STK17A: variants seen among roughly 807,000 people sequenced by gnomAD.
STK17A encodes serine/threonine kinase 17a.
Under a neutral mutation model 43.7 loss-of-function variants are expected in STK17A, and 26 were observed. The ratio of observed to expected loss-of-function variants is 0.60; its 90% CI spans 0.44 to 0.83. The LOEUF (loss-of-function observed/expected upper bound fraction) is 0.83. STK17A is among the 40% of genes least tolerant of loss of function. STK17A has a pLI of 0.00. For synonymous variants in STK17A, 191 were observed against 182.5 expected (o/e 1.05, Z -0.38); for missense variants, 476 against 511.6 (o/e 0.93, Z 0.67).
At chr7:43,596,729 G>A (rs964052690) in intron 2 of STK17A, among the ~76,000 whole-genome samples, 6 of 152,074 alleles carry the variant, frequency 3.9e-5, no homozygotes, top group South Asian at 2.1e-4. Flanking sequence ...TTAGCCTGGC[G>A]TGGTGGCATG....
rs1364429004 is a variant in STK17A at position 43,596,086 on chromosome 7, C to G, written c.392C>G (p.Ala131Gly). 6.2e-7 allele frequency: 1 copy of G among 1,611,900 alleles called. No individual in the cohort carries two copies. The highest frequency in any genetic ancestry group is 1.7e-5 in the Admixed American group (1 of 59,918). The change falls in exon 2 of 7, where the codon GCA becomes GGA. Residue 131 changes from alanine (A) to glycine (G), a missense_variant. Physicochemically the swap from Ala to Gly is moderately conservative, Grantham distance 60. Coordinates refer to ENST00000319357, the MANE Select transcript of STK17A (RefSeq NM_004760.3). Reference protein sequence around the residue: ...VINLHEVYETASEMILVLEYA... With the variant: ...VINLHEVYETGSEMILVLEYA... ...AATTTACATGAAGTTTATGAGACTG[C>G]ATCAGAAATGATCTTAGTTCTGGAA...
chr7:43,595,973 A>T lies in STK17A; in HGVS notation c.279A>T (p.Arg93Ser). The T allele has an allele frequency of 6.2e-7, 1 of 1,613,990 alleles. No individual in the cohort carries two copies. The highest frequency in any genetic ancestry group is 8.5e-7 in the Non-Finnish European group (1 of 1,179,942). Residue 93 changes from arginine (R) to serine (S), a missense_variant, in exon 2 of 7, where the codon AGA (arginine) becomes AGT (serine). Arg to Ser is a moderately radical substitution (Grantham distance 110). Transcript: ENST00000319357. ...SGKEFAAKFMRKRRKGQDCRM... is the reference protein window; with the variant it reads ...SGKEFAAKFMSKRRKGQDCRM... ...AAGAATTTGCTGCAAAGTTCATGAGAAAAAGAAGAAAAGGCCAAGATTGTC... is the reference window on the plus strand; with the variant it reads ...AAGAATTTGCTGCAAAGTTCATGAGTAAAAGAAGAAAAGGCCAAGATTGTC...
At chr7:43,613,717 G>A (rs10215302) in intron 3 of STK17A, among the ~76,000 whole-genome samples, 22,987 of 152,008 alleles carry the variant, frequency 0.15, 2,196 homozygotes, top group Non-Finnish European at 0.21. Context: ...GGTGGCACGC[G>A]CCTTTAGTCC....
intron 2 of STK17A, 106 bp from the exon 3 acceptor site, chr7:43,608,150 G>C (rs2082628168): frequency 9.1e-7 from 1 of 1,097,006 alleles, no homozygotes; most frequent in Non-Finnish European, 1.3e-6. Context: ...TTTTAAAAAA[G>C]GTATACAGTT....
At position 43,624,603 on chromosome 7, in the gene STK17A, G is replaced by T. The variant is rs536016170; in HGVS notation, c.1006G>T (p.Ala336Ser). The T allele has an allele frequency of 1.1e-5, 17 of 1,614,106 alleles. No homozygotes were observed. The South Asian group carries it at 1.6e-4, about 16-fold the overall frequency. ...IQEPSFRMEK[A>S]LEEANALQEG... is the part of the protein sequence containing the mutation. ...AGAGCCTTCTTTCAGGATGGAAAAGGCACTAGAAGAAGCAAATGCCCTCCA... is the reference window on the plus strand; with the variant it reads ...AGAGCCTTCTTTCAGGATGGAAAAGTCACTAGAAGAAGCAAATGCCCTCCA... The change falls in exon 7 of 7, where the codon GCA (alanine) becomes TCA (serine). Residue 336 changes from alanine (A) to serine (S), a missense_variant. Physicochemically the swap from Ala to Ser is moderately conservative, Grantham distance 99. Around this residue, in one of 3 missense-constraint regions of STK17A, gnomAD observed 110 missense variants for 103.7 expected, o/e 1.06. Transcript: ENST00000319357.
At chr7:43,600,083 C>T (rs531328617) in intron 2 of STK17A, among the ~76,000 whole-genome samples, 9 of 152,304 alleles carry the variant, frequency 5.9e-5, no homozygotes, top group South Asian at 4.1e-4. Context: ...CTCACGGACA[C>T]GCCCAAAATA....
intron 3 of STK17A, among the ~76,000 whole-genome samples, chr7:43,610,891 C>G (rs1274858336): frequency 6.6e-6 from 1 of 152,038 alleles, no homozygotes; most frequent in Non-Finnish European, 1.5e-5. Context: ...TCAAGGAGGG[C>G]AGATCGCTTG....
chr7:43,623,915 A>T, intron 6 of STK17A, 27 bp downstream of exon 6: 1 of 1,381,620 alleles, frequency 7.2e-7, no homozygotes, highest in Non-Finnish European at 9.4e-7. Context: ...TTAGTTTAAT[A>T]TTGAACTAAT....
At chr7:43,614,224 C>T (rs894633466) in intron 3 of STK17A, among the ~76,000 whole-genome samples, 2 of 152,164 alleles carry the variant, frequency 1.3e-5, no homozygotes, top group Non-Finnish European at 2.9e-5. Context: ...GATGAAGATA[C>T]CGAGATAAAT....
intron 3 of STK17A, among the ~76,000 whole-genome samples, chr7:43,614,402 T>C (rs1177310247): frequency 6.6e-6 from 1 of 152,244 alleles, no homozygotes; most frequent in Non-Finnish European, 1.5e-5. Context: ...AACTTCTTTA[T>C]AATGAACTGG....
intron 1 of STK17A, among the ~76,000 whole-genome samples, chr7:43,594,745 T>C (rs143349099): frequency 2.5e-4 from 38 of 152,114 alleles, no homozygotes; most frequent in African/African-American, 9.2e-4. Context: ...TAGATGCCAT[T>C]TGTGTCCCTA....
chr7:43,623,657 T>G, intron 5 of STK17A, 37 bp downstream of exon 5: 1 of 1,607,814 alleles, frequency 6.2e-7, no homozygotes, highest in Non-Finnish European at 8.5e-7. Flanking sequence ...CAAATTAGTT[T>G]CAAGAAATGA....
chr7:43,589,034 T>A (rs1357682439), intron 1 of STK17A, among the ~76,000 whole-genome samples: 1 of 151,482 alleles, frequency 6.6e-6, no homozygotes, highest in Non-Finnish European at 1.5e-5. Flanking sequence ...AAAGAATGGA[T>A]GGAATTTCAG....
In STK17A at chr7:43,626,690, G is replaced by A. The variant is rs1465123373; in HGVS notation, c.*1848G>A. 2 of 152,146 alleles carry A rather than the reference G, an allele frequency of 1.3e-5. No individual in the cohort carries two copies. The highest frequency in any genetic ancestry group is 2.4e-5 in the African/African-American group (1 of 41,414). 9.4% of individuals were successfully genotyped at this position (152,146 alleles called of 1,614,324 possible). A position where few individuals can be genotyped will look rare whatever the true frequency, so the allele number is the denominator to read the frequency against. The stretch of plus-strand genomic sequence containing the variant: ...AAAAATAACCACTATTGAATGACAC[G>A]TTTGTACTTGATGGATCTGTCATCA... On this transcript the variant is annotated 3_prime_UTR_variant, in exon 7 of 7. Transcript: ENST00000319357.
At position 43,592,251 on chromosome 7, in the gene STK17A, A is replaced by G. The variant is rs1050283408; in HGVS notation, c.207-3650A>G. On this transcript the variant is annotated intron_variant, in intron 1 of 6. Transcript: ENST00000319357. ...CTAATGATTTTGTGGGATAAAATGA[A>G]AGGTATTAATTACTCTTTGAGGAAT... is the stretch of plus-strand genomic sequence containing the variant. Among the ~76,000 whole-genome samples the G allele has an allele frequency of 9.2e-5, 14 of 151,700 alleles. No individual in the cohort carries two copies. The East Asian group carries it at 1.7e-3, about 19-fold the overall frequency.
In STK17A at chr7:43,608,307, C is replaced by A; in HGVS notation, c.471C>A (p.Ala157=). 1 of 1,613,968 alleles carries A rather than the reference C, an allele frequency of 6.2e-7. No homozygotes were observed. Among genetic ancestry groups the A allele is most frequent in the Non-Finnish European group, 8.5e-7 (1 of 1,179,988 alleles). The change falls in exon 3 of 7, where the codon GCC becomes GCA. Residue 157 remains alanine (A), a synonymous_variant. Coordinates refer to ENST00000319357, the MANE Select transcript of STK17A (RefSeq NM_004760.3). ...FDQCVADREE[A]FKEKDVQRLM... ...AGTGTGTTGCAGACAGAGAAGAAGC[C>A]TTTAAAGAAAAAGATGTTCAAAGAC...
At chr7:43,597,690 TGGGCAGCCAAAG>T (rs2082527408) in intron 2 of STK17A, among the ~76,000 whole-genome samples, 3 of 152,160 alleles carry the variant, frequency 2.0e-5, no homozygotes, top group African/African-American at 7.2e-5. Flanking sequence ...CCCAGCACTT[TGGGCAGCCAAAG>T]TGGGAAGATT....
Position 43,583,415 on chromosome 7 carries a change from G to C in STK17A, c.172G>C (p.Gly58Arg). Reference protein sequence around the residue: ...AVVRTEPFQDGYSLCPGRELG... With the variant: ...AVVRTEPFQDRYSLCPGRELG... The stretch of plus-strand genomic sequence containing the variant: ...GGTGCGCACCGAGCCCTTCCAGGAC[G>C]GCTACAGCCTGTGCCCGGGCCGGGA... The change falls in exon 1 of 7, where the codon GGC (glycine) becomes CGC (arginine). Residue 58 changes from glycine to arginine, a missense_variant. Transcript: ENST00000319357. The C allele has an allele frequency of 1.4e-6, 2 of 1,415,596 alleles. No homozygotes were observed. Among genetic ancestry groups the C allele is most frequent in the East Asian group, 3.1e-5 (1 of 32,470 alleles). 87.7% of individuals were successfully genotyped at this position (1,415,596 alleles called of 1,614,324 possible).
intron 2 of STK17A, among the ~76,000 whole-genome samples, chr7:43,602,693 A>G (rs879283718): frequency 4.6e-5 from 7 of 152,138 alleles, no homozygotes; most frequent in Non-Finnish European, 8.8e-5. Context: ...CAGTTCCATC[A>G]GCGTTACTTA....
Sources: gnomAD v4.1 joint callset for allele counts (sites outside exome capture counted in the v4.1 genomes callset) on GRCh38, gnomAD v4.1.1 for gene constraint, gnomAD v4.1.1 regional missense constraint, MANE v1.5 for transcripts, NCBI Gene and HGNC (gene_info 2026-07-23, HGNC 2026-07-21) for gene names.